Variants in SEZ6L observed in about 807,000 individuals in gnomAD.
SEZ6L encodes seizure related 6 homolog like, also known as seizure 6-like protein.
SEZ6L carries 37 observed loss-of-function variants against 106.2 expected under a neutral mutation model. The observed-to-expected ratio is 0.35, with a 90% CI of 0.27 to 0.46. The LOEUF is 0.46. Among genes scored for constraint, SEZ6L ranks in the 20% least tolerant of loss-of-function variants. The pLI is 1.00. For missense variants in SEZ6L, 1,172 were observed against 1,332.8 expected (o/e 0.88, Z 1.88); for synonymous variants, 541 against 570.4 (o/e 0.95, Z 0.73).
At chr22:26,294,215 C>T in intron 2 of SEZ6L, 77 bp from the exon 3 acceptor site, 3 of 1,477,036 alleles carry the variant, frequency 2.0e-6, no homozygotes, top group Non-Finnish European at 2.8e-6. Context: ...CCTAAAGCCC[C>T]CATTCCACCC....
chr22:26,277,904 T>C (rs2080604882), intron 1 of SEZ6L, among the ~76,000 whole-genome samples: 1 of 152,238 alleles, frequency 6.6e-6, no homozygotes, highest in Admixed American at 6.5e-5. Flanking sequence ...CTTTGGCTTA[T>C]TTCTTTGGTG....
intron 1 of SEZ6L, among the ~76,000 whole-genome samples, chr22:26,195,900 G>C (rs1236100283): frequency 3.3e-5 from 5 of 152,046 alleles, no homozygotes; most frequent in African/African-American, 1.2e-4. Flanking sequence ...CTTCTATGAG[G>C]CATTGACCTT....
intron 12 of SEZ6L, among the ~76,000 whole-genome samples, chr22:26,361,349 C>A (rs9608487): frequency 0.62 from 86,416 of 138,854 alleles, 27,918 homozygotes; most frequent in East Asian, 0.96. Context: ...AATACAAAAA[C>A]AAAAAAAATC....
At chr22:26,220,399 C>A (rs2078429573) in intron 1 of SEZ6L, among the ~76,000 whole-genome samples, 1 of 152,170 alleles carries the variant, frequency 6.6e-6, no homozygotes, top group Non-Finnish European at 1.5e-5. Flanking sequence ...TCAATTCTCC[C>A]CACATCCCTT....
intron 1 of SEZ6L, among the ~76,000 whole-genome samples, chr22:26,187,086 A>T (rs1248206376): frequency 2.0e-5 from 3 of 152,198 alleles, no homozygotes; most frequent in Admixed American, 2.0e-4. Context: ...GTTTGTTTTC[A>T]TGCTGCTATG....
intron 1 of SEZ6L, among the ~76,000 whole-genome samples, chr22:26,184,779 G>A (rs904175243): frequency 6.6e-6 from 1 of 152,102 alleles, no homozygotes; most frequent in African/African-American, 2.4e-5. Context: ...AAAAGTTTAG[G>A]CTTATTAATC....
intron 1 of SEZ6L, among the ~76,000 whole-genome samples, chr22:26,208,902 GTGTAA>G (rs1230720387): frequency 1.9e-5 from 2 of 103,870 alleles, no homozygotes; most frequent in Non-Finnish European, 4.0e-5. Flanking sequence ...GTGTGTGTGT[GTGTAA>G]TGTTTTGATA....
At chr22:26,302,856 G>A (rs1037374930) in intron 5 of SEZ6L, among the ~76,000 whole-genome samples, 18 of 152,318 alleles carry the variant, frequency 1.2e-4, no homozygotes, top group Admixed American at 5.2e-4. Flanking sequence ...CAGAGAAGCC[G>A]CAAACGATCA....
chr22:26,179,786 A>C (rs1334658524), intron 1 of SEZ6L, among the ~76,000 whole-genome samples: 3 of 152,046 alleles, frequency 2.0e-5, no homozygotes, highest in Admixed American at 6.6e-5. Context: ...TCTATTGCCT[A>C]ACTCCTCTGC....
chr22:26,213,380 G>T (rs750794020), intron 1 of SEZ6L, among the ~76,000 whole-genome samples: 13 of 152,158 alleles, frequency 8.5e-5, no homozygotes, highest in African/African-American at 2.7e-4. Context: ...GCTTTCCGAC[G>T]TGCAGAGCGG....
chr22:26,374,537 G>T (rs1418903683), intron 14 of SEZ6L, among the ~76,000 whole-genome samples: 1 of 152,154 alleles, frequency 6.6e-6, no homozygotes, highest in Admixed American at 6.5e-5. Context: ...TCTGCCTTTT[G>T]CCAACCAGTG....
rs148128129 is a variant in SEZ6L, at chr22:26,217,743, G to A, written c.94+47980G>A. Among the ~76,000 whole-genome samples the A allele has an allele frequency of 4.3e-4, 66 of 152,334 alleles. No homozygotes were observed. In the East Asian group the frequency reaches 0.012, roughly 28 times the overall value. ...GCTTATATGGCCCCAAGTGGGCCTC[G>A]CAAATACAACATGTTGTGTGGGACT... On this transcript the variant is annotated intron_variant, in intron 1 of 16. Transcript: ENST00000248933.
chr22:26,264,428 A>G (rs1308291151), intron 1 of SEZ6L, among the ~76,000 whole-genome samples: 2 of 152,234 alleles, frequency 1.3e-5, no homozygotes, highest in African/African-American at 4.8e-5. Flanking sequence ...AGGAAGATGG[A>G]TGAAACAAGC....
intron 1 of SEZ6L, among the ~76,000 whole-genome samples, chr22:26,217,633 T>C (rs910170232): frequency 1.3e-5 from 2 of 152,246 alleles, no homozygotes; most frequent in Non-Finnish European, 2.9e-5. Flanking sequence ...TCAATTTCTA[T>C]GGCCATGAGC....
intron 1 of SEZ6L, among the ~76,000 whole-genome samples, chr22:26,214,048 C>T (rs2078232776): frequency 6.6e-6 from 1 of 152,250 alleles, no homozygotes; most frequent in African/African-American, 2.4e-5. Flanking sequence ...CCACACATTG[C>T]TTAATAACCA....
Position 26,294,659 on chromosome 22 carries a change from G to A in SEZ6L, c.969+234G>A, listed in dbSNP as rs567732689. On this transcript the variant is annotated intron_variant, in intron 3 of 16. Transcript: ENST00000248933. ...ACAAATTCTGAGGTATTTCCCAGAA[G>A]GAAAATCCCTTGATACTCTGCTTAT... 3.3e-5 allele frequency among the ~76,000 whole-genome samples: 5 copies of A among 151,586 alleles called. No homozygotes were observed. The East Asian group carries it at 9.7e-4, about 29-fold the overall frequency.
chr22:26,179,939 T>C (rs985663225), intron 1 of SEZ6L, among the ~76,000 whole-genome samples: 18 of 152,156 alleles, frequency 1.2e-4, no homozygotes, highest in African/African-American at 4.1e-4. Context: ...TAAGATCAGA[T>C]TGAATTAAAA....
In SEZ6L at chr22:26,302,163, C is replaced by T. The variant is rs143558890; in HGVS notation, c.1348+2994C>T. On this transcript the variant is annotated intron_variant, in intron 5 of 16. Coordinates refer to ENST00000248933, the MANE Select transcript of SEZ6L (RefSeq NM_021115.5). ...GTGGCGAACTTAGTCCAGATCCCTT[C>T]TCTCCTGAGCTCCTCCCCTTACAGC... Among the ~76,000 whole-genome samples, 12 of 152,316 alleles carry T rather than the reference C, an allele frequency of 7.9e-5. No individual in the cohort carries two copies. The East Asian group carries it at 2.3e-3, about 29-fold the overall frequency.
At chr22:26,205,202 A>C (rs1355881712) in intron 1 of SEZ6L, among the ~76,000 whole-genome samples, 1 of 152,240 alleles carries the variant, frequency 6.6e-6, no homozygotes, top group African/African-American at 2.4e-5. Context: ...GGTACAGTCC[A>C]TCAACTTAAA....
Sources: allele counts gnomAD v4.1 joint callset (sites outside exome capture counted in the v4.1 genomes callset), GRCh38; gene constraint gnomAD v4.1.1; transcripts MANE v1.5; gene names NCBI Gene and HGNC (gene_info 2026-07-23, HGNC 2026-07-21).